RTN1: variants seen among roughly 807,000 people sequenced by gnomAD.
The protein encoded by RTN1 is reticulon-1.
Under a neutral mutation model 65.5 loss-of-function variants are expected in RTN1, and 25 were observed. That is an observed-to-expected ratio of 0.38 (90% CI 0.28 to 0.53). RTN1 has a LOEUF of 0.53. Ranked by LOEUF, RTN1 falls within the 20% of genes least tolerant of loss-of-function variation. RTN1 has a pLI of 0.79. For missense variants in RTN1, 983 were observed against 1,025.4 expected, an observed-to-expected ratio of 0.96 and a Z score of 0.57; for synonymous variants, 471 against 447.6, an observed-to-expected ratio of 1.05 and a Z score of -0.66.
At chr14:59,607,534 G>A (rs757773301) in intron 3 of RTN1, 42 bp from the exon 4 acceptor site, 2 of 1,524,112 alleles carry the variant, frequency 1.3e-6, no homozygotes, top group African/African-American at 1.4e-5. Context: ...CTCCCGCAGT[G>A]CCGCCACATG....
Position 59,605,565 on chromosome 14 carries a change from C to T in RTN1, c.1974-59G>A, listed in dbSNP as rs1445213910. ...CAGAGGGAATCATGAGACAGGCTGC[C>T]GAACCCCAGTAACAGCTAAGCGTTC... On this transcript the variant is annotated intron_variant, in intron 4 of 8. Transcript: ENST00000267484. 6.3e-6 allele frequency: 10 copies of T among 1,578,902 alleles called. 1 individual carries two copies. Among genetic ancestry groups the T allele is most frequent in the African/African-American group, 4.0e-5 (3 of 74,244 alleles).
At chr14:59,657,972 C>A (rs1387695749) in intron 3 of RTN1, among the ~76,000 whole-genome samples, 1 of 152,192 alleles carries the variant, frequency 6.6e-6, no homozygotes, top group African/African-American at 2.4e-5. Context: ...CCCCAAGGAG[C>A]CCAGCAAGCT....
chr14:59,811,419 G>T (rs1050019102), intron 1 of RTN1, among the ~76,000 whole-genome samples: 1 of 152,146 alleles, frequency 6.6e-6, no homozygotes, highest in African/African-American at 2.4e-5. Flanking sequence ...ACAGAAATTA[G>T]TTTTCTTGTT....
chr14:59,848,048 C>A (rs560666341), intron 1 of RTN1, among the ~76,000 whole-genome samples: 1 of 152,168 alleles, frequency 6.6e-6, no homozygotes, highest in Non-Finnish European at 1.5e-5. Context: ...TCTTAGCAAC[C>A]ACTTTCATCT....
intron 3 of RTN1, chr14:59,630,404 C>T (rs1363503890): frequency 6.2e-7 from 1 of 1,612,192 alleles, no homozygotes; most frequent in African/African-American, 1.3e-5. Context: ...TCCCGGGTTT[C>T]CCGTGCGCCT....
intron 3 of RTN1, among the ~76,000 whole-genome samples, chr14:59,663,667 G>C (rs1165992601): frequency 6.6e-6 from 1 of 151,750 alleles, no homozygotes; most frequent in East Asian, 1.9e-4. Context: ...GTGGGCAAAG[G>C]ATATGAACAG....
At chr14:59,712,076 C>A (rs1442047007) in intron 3 of RTN1, among the ~76,000 whole-genome samples, 1 of 152,098 alleles carries the variant, frequency 6.6e-6, no homozygotes, top group Non-Finnish European at 1.5e-5. Context: ...CACCAAATAG[C>A]AATAGTTGAA....
intron 1 of RTN1, among the ~76,000 whole-genome samples, chr14:59,749,634 G>GAT (rs1885380040): frequency 6.4e-5 from 1 of 15,590 alleles, no homozygotes; most frequent in Non-Finnish European, 9.9e-5. Context: ...TCTATATATA[G>GAT]ATATCTATAT....
chr14:59,691,139 C>T (rs943143404), intron 3 of RTN1, among the ~76,000 whole-genome samples: 2 of 151,934 alleles, frequency 1.3e-5, no homozygotes, highest in Non-Finnish European at 2.9e-5. Flanking sequence ...ACCTAACAAA[C>T]CCAAAAGTTG....
intron 3 of RTN1, among the ~76,000 whole-genome samples, chr14:59,672,664 C>T (rs1218260700): frequency 7.1e-5 from 8 of 112,480 alleles, no homozygotes; most frequent in Admixed American, 1.3e-4. Context: ...GACGGAGTCT[C>T]GCTCTGTCGC....
In RTN1 at chr14:59,819,432, ACCCCCCCCC is replaced by A. The variant is rs571475507; in HGVS notation, c.241+50949_241+50957del. Among the ~76,000 whole-genome samples the A allele has an allele frequency of 3.7e-4, 2 of 5,418 alleles. 1 individual carries two copies. Among genetic ancestry groups the A allele is most frequent in the Non-Finnish European group, 6.8e-4 (2 of 2,958 alleles). The allele number at this position is 5,418 out of a possible 152,430, so 3.6% of individuals were successfully genotyped here. ...CACCACCACCCCCCCCCCACCCCCC[ACCCCCCCCC>A]CCCGGCCACAGCTAGACACAGAGTA... On this transcript the variant is annotated intron_variant, in intron 1 of 8. Coordinates refer to ENST00000267484, the MANE Select transcript of RTN1 (RefSeq NM_021136.3).
chr14:59,645,430 CAT>C (rs1003475144), intron 3 of RTN1, among the ~76,000 whole-genome samples: 9 of 151,824 alleles, frequency 5.9e-5, no homozygotes, highest in African/African-American at 2.2e-4. Flanking sequence ...ATGTTTTCTA[CAT>C]GTTACATGTT....
intron 1 of RTN1, among the ~76,000 whole-genome samples, chr14:59,765,845 A>C (rs1885838980): frequency 6.6e-6 from 1 of 152,048 alleles, no homozygotes; most frequent in African/African-American, 2.4e-5. Flanking sequence ...TCCTCTAATC[A>C]TGACTCCTAA....
intron 4 of RTN1, chr14:59,606,047 A>C (rs999916118): frequency 6.7e-6 from 1 of 149,830 alleles, no homozygotes; most frequent in Non-Finnish European, 1.5e-5. Flanking sequence ...ATTTTTAATA[A>C]TGACATTTTT....
intron 3 of RTN1, among the ~76,000 whole-genome samples, chr14:59,671,224 T>A (rs1331484193): frequency 6.6e-6 from 1 of 152,244 alleles, no homozygotes; most frequent in East Asian, 1.9e-4. Flanking sequence ...GTCAACCTAT[T>A]CTCTCTTTGA....
chr14:59,727,680 C>G lies in RTN1; in HGVS notation c.1016-12G>C. ...TGCAGCAGATGGTTCTGTCGTCCCA[C>G]AGAGCGAAGGAGAGCCACGGAGGCA... On this transcript the variant is annotated splice_polypyrimidine_tract_variant and intron_variant, in intron 2 of 8. Transcript: ENST00000267484. This position sits in a 1 kb window ranked among gnomAD's most constrained non-coding sequence, Gnocchi z 4.2. 1 of 1,585,200 alleles carries G rather than the reference C, an allele frequency of 6.3e-7. No individual in the cohort carries two copies. Among genetic ancestry groups the G allele is most frequent in the Non-Finnish European group, 8.6e-7 (1 of 1,165,330 alleles).
At chr14:59,851,334 T>C (rs1314521309) in intron 1 of RTN1, among the ~76,000 whole-genome samples, 1 of 152,182 alleles carries the variant, frequency 6.6e-6, no homozygotes, top group Non-Finnish European at 1.5e-5. Flanking sequence ...TTTTAACAGA[T>C]TGTTAAAGAC....
intron 3 of RTN1, among the ~76,000 whole-genome samples, chr14:59,635,078 C>A (rs146088781): frequency 7.9e-4 from 120 of 152,196 alleles, no homozygotes; most frequent in African/African-American, 2.7e-3. Flanking sequence ...CAGCCCTTAG[C>A]AAGACAAGTA....
intron 1 of RTN1, among the ~76,000 whole-genome samples, chr14:59,750,392 C>CTATAATATATATATTATATG (rs1372883501): frequency 0.01 from 449 of 44,428 alleles, 12 homozygotes; most frequent in Middle Eastern, 0.062. Context: ...TATATTATAT[C>CTATAATATATATATTATATG]TATAATATAT....
Sources: gnomAD v4.1 joint callset for allele counts (sites outside exome capture counted in the v4.1 genomes callset) on GRCh38, gnomAD v4.1.1 for gene constraint, Gnocchi (gnomAD v3.1) non-coding constraint, MANE v1.5 for transcripts, NCBI Gene and HGNC (gene_info 2026-07-23, HGNC 2026-07-21) for gene names.